The following BIK variants were observed in gnomAD, a reference collection of about 807,000 sequenced individuals.
BIK encodes BCL2 interacting killer.
A neutral mutation model predicts 12.1 loss-of-function variants in BIK; 14 were observed. The ratio of observed to expected loss-of-function variants is 1.16; its 90% CI spans 0.77 to 1.81. BIK has a LOEUF of 1.81. Among genes scored for constraint, BIK ranks in the 40% most tolerant of loss-of-function variants. The pLI, the probability that BIK is intolerant of heterozygous loss-of-function variation, is 0.00. For missense variants in BIK, 215 were observed against 207.9 expected (o/e 1.03, Z -0.21); for synonymous variants, 86 against 92.3 (o/e 0.93, Z 0.39).
At chr22:43,122,609 T>TC (rs1569466442) in intron 1 of BIK, among the ~76,000 whole-genome samples, 2 of 152,268 alleles carry the variant, frequency 1.3e-5, no homozygotes, top group South Asian at 4.1e-4. Context: ...TGATGGTGAA[T>TC]CAGGTCGCAG....
At chr22:43,110,927 C>T (rs1402731084) in intron 1 of BIK, 124 bp downstream of exon 1, 1 of 152,094 alleles carries the variant, frequency 6.6e-6, no homozygotes, top group Non-Finnish European at 1.5e-5. Context: ...CAGGTTTTAC[C>T]GCTCCAGCAA....
chr22:43,121,937 G>T (rs1930227439), intron 1 of BIK, among the ~76,000 whole-genome samples: 1 of 152,182 alleles, frequency 6.6e-6, no homozygotes, highest in Admixed American at 6.5e-5. Context: ...TACCATGTTG[G>T]CCAGGCTGGT....
chr22:43,121,528 G>GCAGCTCACAGCT (rs1416839447), intron 1 of BIK, among the ~76,000 whole-genome samples: 1 of 152,158 alleles, frequency 6.6e-6, no homozygotes, highest in Non-Finnish European at 1.5e-5. Flanking sequence ...GAGGCTCGGT[G>GCAGCTCACAGCT]CAGCTCACAG....
intron 1 of BIK, among the ~76,000 whole-genome samples, chr22:43,117,850 G>C (rs776994128): frequency 6.0e-5 from 9 of 150,902 alleles, no homozygotes; most frequent in African/African-American, 1.7e-4. Flanking sequence ...TTTTTGAAAC[G>C]GGGTAGAGAC....
rs4988413 is a variant in BIK at position 43,123,903 on chromosome 22, C to T, written c.-7-113C>T. The stretch of plus-strand genomic sequence containing the variant: ...GGTTGGGGGATATTGACGGCTTTAG[C>T]GGATCAAAAGAGCTGGTGAGTAGGG... On this transcript the variant is annotated intron_variant, in intron 1 of 4. Transcript: ENST00000216115. 1,861 of 1,143,034 alleles carry T rather than the reference C, an allele frequency of 1.6e-3. 24 individuals carry two copies. The African/African-American group carries it at 0.025, about 16-fold the overall frequency. The allele number at this position is 1,143,034 out of a possible 1,614,324, so 70.8% of individuals were successfully genotyped here.
rs868835833 is a variant in BIK, at chr22:43,129,421, A to T, written c.*116A>T. 7.1e-7 allele frequency: 1 copy of T among 1,403,656 alleles called. No homozygotes were observed. 87.0% of individuals were successfully genotyped at this position (1,403,656 alleles called of 1,614,324 possible). Reference sequence around the variant, plus strand: ...TCTCATGATGCCTTTTTATATTTAAACCCCGAGATAGTGCTGGAACACTGC... The same window carrying T: ...TCTCATGATGCCTTTTTATATTTAATCCCCGAGATAGTGCTGGAACACTGC... On this transcript the variant is annotated 3_prime_UTR_variant, in exon 5 of 5. Transcript: ENST00000216115.
chr22:43,127,651 C>A (rs1230614979), intron 2 of BIK, 46 bp from the exon 3 acceptor site: 2 of 1,507,626 alleles, frequency 1.3e-6, no homozygotes, highest in East Asian at 2.5e-5. Flanking sequence ...GTGCATGTGG[C>A]CTCCACGGCA....
At chr22:43,113,816 G>A (rs563094153) in intron 1 of BIK, among the ~76,000 whole-genome samples, 22 of 152,276 alleles carry the variant, frequency 1.4e-4, no homozygotes, top group Admixed American at 1.1e-3. Flanking sequence ...CAGACTTAGC[G>A]GATCCCATGA....
intron 1 of BIK, among the ~76,000 whole-genome samples, chr22:43,113,037 C>T (rs1017883285): frequency 6.6e-5 from 10 of 151,980 alleles, no homozygotes; most frequent in African/African-American, 2.4e-4. Flanking sequence ...AAACCAGTCT[C>T]TTTTAAAAAT....
At chr22:43,120,418 G>A (rs1194053253) in intron 1 of BIK, among the ~76,000 whole-genome samples, 1 of 152,180 alleles carries the variant, frequency 6.6e-6, no homozygotes, top group Non-Finnish European at 1.5e-5. Context: ...AAACTCCTAA[G>A]CTCAGGTGAT....
intron 1 of BIK, among the ~76,000 whole-genome samples, chr22:43,118,543 T>C (rs1010419198): frequency 6.6e-6 from 1 of 152,176 alleles, no homozygotes; most frequent in Non-Finnish European, 1.5e-5. Context: ...TGGGTTACAC[T>C]GGAGTTGTGT....
intron 2 of BIK, 74 bp from the exon 3 acceptor site, chr22:43,127,623 T>C: frequency 7.4e-7 from 1 of 1,352,696 alleles, no homozygotes; most frequent in Admixed American, 2.0e-5. Context: ...ACACAATCCG[T>C]TGGCTGGGTG....
intron 2 of BIK, among the ~76,000 whole-genome samples, chr22:43,125,778 T>C (rs894471053): frequency 2.6e-5 from 4 of 152,032 alleles, no homozygotes; most frequent in East Asian, 1.9e-4. Context: ...CCAGAACCTA[T>C]GGAAGAGCCT....
At chr22:43,116,118 G>A (rs1930108567) in intron 1 of BIK, among the ~76,000 whole-genome samples, 1 of 152,132 alleles carries the variant, frequency 6.6e-6, no homozygotes, top group Non-Finnish European at 1.5e-5. Context: ...GTGGTGGCTT[G>A]GCATTCTCTG....
intron 1 of BIK, among the ~76,000 whole-genome samples, chr22:43,115,367 G>A (rs1161397680): frequency 1.3e-5 from 2 of 152,188 alleles, no homozygotes. Context: ...CCCAAACACT[G>A]AAGTGGAGCC....
At chr22:43,126,670 A>G (rs765296940) in intron 2 of BIK, among the ~76,000 whole-genome samples, 2 of 151,598 alleles carry the variant, frequency 1.3e-5, no homozygotes, top group Non-Finnish European at 2.9e-5. Context: ...GACCAGCTCC[A>G]TGTTCCACAG....
At chr22:43,112,579 T>C (rs1251792833) in intron 1 of BIK, among the ~76,000 whole-genome samples, 2 of 151,856 alleles carry the variant, frequency 1.3e-5, no homozygotes, top group African/African-American at 4.8e-5. Context: ...CCCTTTTTTT[T>C]TTTTTAATTG....
intron 1 of BIK, among the ~76,000 whole-genome samples, chr22:43,119,999 A>T (rs1930188950): frequency 6.6e-6 from 1 of 152,010 alleles, no homozygotes; most frequent in African/African-American, 2.4e-5. Flanking sequence ...TTTAATTTTT[A>T]AAAAAGGACC....
intron 4 of BIK, 80 bp from the exon 5 acceptor site, chr22:43,129,133 C>T (rs2147027247): frequency 1.3e-6 from 2 of 1,597,606 alleles, no homozygotes; most frequent in East Asian, 2.2e-5. Context: ...CTGGGCTTCC[C>T]CTTGGCACTC....
Sources: allele counts gnomAD v4.1 joint callset (sites outside exome capture counted in the v4.1 genomes callset), GRCh38; gene constraint gnomAD v4.1.1; transcripts MANE v1.5; gene names NCBI Gene and HGNC (gene_info 2026-07-23, HGNC 2026-07-21).